CD46: variants seen among roughly 807,000 people sequenced by gnomAD.
CD46 encodes the protein CD46 molecule.
CD46 carries 30 observed loss-of-function variants against 53.3 expected under a neutral mutation model. The observed-to-expected ratio is 0.56, with a 90% CI of 0.42 to 0.76. The LOEUF is 0.76. CD46 is among the 30% of genes least tolerant of loss of function. The pLI is 0.00. For synonymous variants in CD46, 142 were observed against 152.0 expected (o/e 0.93, Z 0.48); for missense variants, 409 against 463.0 (o/e 0.88, Z 1.07).
intron 8 of CD46, among the ~76,000 whole-genome samples, chr1:207,775,213 G>A (rs1025241984): frequency 1.1e-4 from 16 of 152,092 alleles, no homozygotes; most frequent in Admixed American, 8.5e-4. Flanking sequence ...TTCTTGTGCC[G>A]TGGTTTTCAG....
intron 5 of CD46, among the ~76,000 whole-genome samples, chr1:207,766,459 C>T (rs971074188): frequency 1.3e-5 from 2 of 152,042 alleles, no homozygotes; most frequent in Admixed American, 6.6e-5. Context: ...GGGAGAGTAT[C>T]AAGCAGTGAA....
In CD46 at chr1:207,795,464, T is replaced by G. The variant is rs184094468; in HGVS notation, c.*1987T>G. 6.6e-6 allele frequency: 1 copy of G among 152,226 alleles called. No individual in the cohort carries two copies. Among genetic ancestry groups the G allele is most frequent in the Admixed American group, 6.5e-5 (1 of 15,282 alleles). 9.4% of individuals were successfully genotyped at this position (152,226 alleles called of 1,614,324 possible). A position where few individuals can be genotyped will look rare whatever the true frequency, so the allele number is the denominator to read the frequency against. On this transcript the variant is annotated 3_prime_UTR_variant, in exon 13 of 13. Transcript: ENST00000367042. ...TCTTTATTGCTCATTTTTTAAAAAA[T>G]GGACTCTTGAAATCTGTTAAAATAA...
At chr1:207,783,241 A>T in intron 8 of CD46, 51 bp from the exon 9 acceptor site, 28 of 903,750 alleles carry the variant, frequency 3.1e-5, no homozygotes, top group Non-Finnish European at 4.9e-5. Flanking sequence ...CTTTATATTT[A>T]ATTCTTTCCT....
chr1:207,757,491 G>C (rs1202734644), intron 2 of CD46, 49 bp from the exon 3 acceptor site: 2 of 1,214,056 alleles, frequency 1.6e-6, no homozygotes, highest in East Asian at 4.9e-5. Context: ...TTTTGATTCA[G>C]ATCTGTTTTA....
chr1:207,790,310 A>T lies in CD46; in HGVS notation c.*6A>T. ...TAAAATTTACTTCTCTCTGAGAAGG[A>T]GAGATGAGAGAAAGGTTTGCTTTTA... On this transcript the variant is annotated 3_prime_UTR_variant, in exon 12 of 13. Coordinates refer to ENST00000367042, the MANE Select transcript of CD46 (RefSeq NM_172351.3). The T allele has an allele frequency of 6.3e-7, 1 of 1,590,846 alleles. No homozygotes were observed. The highest frequency in any genetic ancestry group is 8.6e-7 in the Non-Finnish European group (1 of 1,159,130).
intron 1 of CD46, among the ~76,000 whole-genome samples, chr1:207,754,418 A>C (rs1286767727): frequency 6.6e-6 from 1 of 152,128 alleles, no homozygotes; most frequent in East Asian, 1.9e-4. Context: ...CATACAACCC[A>C]GTTCAAGTCC....
At position 207,791,002 on chromosome 1, in the gene CD46, ATG is replaced by A. The variant is rs1423465198; in HGVS notation, c.*41+660_*41+661del. On this transcript the variant is annotated intron_variant, in intron 12 of 12. Coordinates refer to ENST00000367042, the MANE Select transcript of CD46 (RefSeq NM_172351.3). ...GGAGATACATATCCCACCTCTTATA[ATG>A]TGAGGCCCTAACCTAGGTTATAATT... Among the ~76,000 whole-genome samples the A allele has an allele frequency of 2.0e-5, 3 of 152,232 alleles. No homozygotes were observed. The East Asian group carries it at 5.8e-4, about 29-fold the overall frequency.
At chr1:207,784,435 G>A (rs558068852) in intron 9 of CD46, among the ~76,000 whole-genome samples, 17 of 152,122 alleles carry the variant, frequency 1.1e-4, no homozygotes, top group African/African-American at 2.9e-4. Context: ...TAACTTTACC[G>A]CTAAATAACC....
At chr1:207,765,880 A>G (rs1351898147) in intron 5 of CD46, among the ~76,000 whole-genome samples, 7 of 152,156 alleles carry the variant, frequency 4.6e-5, no homozygotes, top group Admixed American at 2.0e-4. Flanking sequence ...ATTCATAATC[A>G]CCCCAAACTG....
intron 5 of CD46, among the ~76,000 whole-genome samples, chr1:207,765,920 A>G (rs1571613334): frequency 1.3e-5 from 2 of 152,234 alleles, no homozygotes; most frequent in East Asian, 3.8e-4. Context: ...GAGTTGGTGA[A>G]TGAATGAACC....
intron 12 of CD46, among the ~76,000 whole-genome samples, chr1:207,792,269 A>T (rs1659865738): frequency 6.6e-6 from 1 of 152,054 alleles, no homozygotes; most frequent in Non-Finnish European, 1.5e-5. Context: ...ACAGAGCAAG[A>T]CTCTGTCTCA....
rs1291531027 is a variant in CD46, at chr1:207,761,340, T to C, written c.567T>C (p.Tyr189=). ...EVFEYLDAVT[Y]SCDPAPGPDP... Reference sequence around the variant, plus strand: ...TTGAGTATCTTGATGCAGTAACTTATAGTTGTGATCCTGCACCTGGACCAG... The same window carrying C: ...TTGAGTATCTTGATGCAGTAACTTACAGTTGTGATCCTGCACCTGGACCAG... Residue 189 remains tyrosine, a synonymous_variant, in exon 5 of 13, where the codon TAT becomes TAC. Transcript: ENST00000367042. 3.7e-6 allele frequency: 6 copies of C among 1,612,534 alleles called. No individual in the cohort carries two copies. The highest frequency in any genetic ancestry group is 5.1e-6 in the Non-Finnish European group (6 of 1,178,592).
In CD46 at chr1:207,773,268, G is replaced by A. The variant is rs139707117; in HGVS notation, c.943+2906G>A. Among the ~76,000 whole-genome samples, 600 of 152,022 alleles carry A rather than the reference G, an allele frequency of 3.9e-3. 4 individuals are homozygous for A. The highest frequency in any genetic ancestry group is 0.014 in the Middle Eastern group (4 of 294). On this transcript the variant is annotated intron_variant, in intron 8 of 12. Transcript: ENST00000367042. The stretch of plus-strand genomic sequence containing the variant: ...TATCCCCTTTATCATTTTTTATTGC[G>A]TCTATTTGATTATTCTCTCTTTACT...
chr1:207,761,560 T>C (rs1253875656), intron 5 of CD46, 114 bp downstream of exon 5: 26 of 833,554 alleles, frequency 3.1e-5, no homozygotes, highest in Non-Finnish European at 4.7e-5. Context: ...TCCTGTATAA[T>C]TGGTTTCTAA....
At chr1:207,771,322 A>G (rs1639387583) in intron 8 of CD46, among the ~76,000 whole-genome samples, 2 of 152,156 alleles carry the variant, frequency 1.3e-5, no homozygotes, top group African/African-American at 4.8e-5. Context: ...GCAGATTGCA[A>G]AGATTTTCTC....
At position 207,782,734 on chromosome 1, in the gene CD46, G is replaced by A. The variant is rs1193327092; in HGVS notation, c.944-558G>A. On this transcript the variant is annotated intron_variant, in intron 8 of 12. Coordinates refer to ENST00000367042, the MANE Select transcript of CD46 (RefSeq NM_172351.3). ...TGTGTCTCGGCTCACTGCAACCTCC[G>A]CCTCCCGGGTTCAAGCGATTCTCCT... 1.1e-4 allele frequency among the ~76,000 whole-genome samples: 14 copies of A among 127,986 alleles called. No individual in the cohort carries two copies. The South Asian group carries it at 1.1e-3, about 10-fold the overall frequency. 84.0% of individuals were successfully genotyped at this position (127,986 alleles called of 152,430 possible).
chr1:207,788,534 A>G (rs915427585), intron 11 of CD46, among the ~76,000 whole-genome samples: 1 of 152,024 alleles, frequency 6.6e-6, no homozygotes, highest in Non-Finnish European at 1.5e-5. Flanking sequence ...AAAAAACACA[A>G]AAAAACCCCA....
intron 11 of CD46, among the ~76,000 whole-genome samples, chr1:207,788,490 C>T (rs1659493656): frequency 6.6e-6 from 1 of 152,140 alleles, no homozygotes; most frequent in Non-Finnish European, 1.5e-5. Context: ...TGCACTCCAG[C>T]CTGGGTGACG....
At position 207,761,258 on chromosome 1, in the gene CD46, G is replaced by T; in HGVS notation, c.485G>T (p.Cys162Phe). Residue 162 changes from cysteine to phenylalanine, a missense_variant, in exon 5 of 13, where the codon TGT becomes TTT. Coordinates refer to ENST00000367042, the MANE Select transcript of CD46 (RefSeq NM_172351.3). ...GKPPICEKVL[C>F]TPPPKIKNGK... ...TTTCTTCATTTTTAAGAGGTTTTGT[G>T]TACACCACCTCCAAAAATAAAAAAT... 1 of 1,604,352 alleles carries T rather than the reference G, an allele frequency of 6.2e-7. No homozygotes were observed. The highest frequency in any genetic ancestry group is 8.5e-7 in the Non-Finnish European group (1 of 1,171,644).
Sources: allele counts gnomAD v4.1 joint callset (sites outside exome capture counted in the v4.1 genomes callset), GRCh38; gene constraint gnomAD v4.1.1; transcripts MANE v1.5; gene names NCBI Gene and HGNC (gene_info 2026-07-23, HGNC 2026-07-21).